TECTB: variants seen among roughly 807,000 people sequenced by gnomAD.
TECTB encodes the protein tectorin beta, also known as beta-tectorin.
A neutral mutation model predicts 43.3 loss-of-function variants in TECTB; 45 were observed. The ratio of observed to expected loss-of-function variants is 1.04; its 90% confidence interval spans 0.82 to 1.33. The LOEUF (loss-of-function observed/expected upper bound fraction) is 1.33, where lower values mean the gene tolerates loss of function less well. TECTB is among the 40% of genes most tolerant of loss of function. The pLI is 0.00. For missense variants in TECTB, 399 were observed against 404.7 expected (o/e 0.99, Z 0.12); for synonymous variants, 169 against 156.7 (o/e 1.08, Z -0.59).
At chr10:112,292,267 C>G (rs1419905580) in intron 5 of TECTB, among the ~76,000 whole-genome samples, 1 of 152,178 alleles carries the variant, frequency 6.6e-6, no homozygotes, top group Non-Finnish European at 1.5e-5. Context: ...AGAAACACTG[C>G]TGTTATTCCT....
intron 7 of TECTB, among the ~76,000 whole-genome samples, chr10:112,294,372 T>C (rs1848527374): frequency 6.6e-6 from 1 of 152,102 alleles, no homozygotes. Context: ...TAAGGTCTCA[T>C]ATTAAATGTG....
At chr10:112,300,816 C>T (rs923546559) in intron 9 of TECTB, among the ~76,000 whole-genome samples, 2 of 152,208 alleles carry the variant, frequency 1.3e-5, no homozygotes, top group African/African-American at 4.8e-5. Flanking sequence ...TGGTCCCAAG[C>T]ATTTTGGATA....
chr10:112,287,191 C>A (rs931381444), intron 5 of TECTB, among the ~76,000 whole-genome samples: 1 of 152,190 alleles, frequency 6.6e-6, no homozygotes, highest in Admixed American at 6.5e-5. Flanking sequence ...CTGCCTAATT[C>A]TTTGGTCTCT....
intron 7 of TECTB, among the ~76,000 whole-genome samples, chr10:112,294,866 A>G (rs895643312): frequency 6.6e-6 from 1 of 152,234 alleles, no homozygotes; most frequent in Non-Finnish European, 1.5e-5. Context: ...AGGAAAGGAC[A>G]GCGCAAGAAA....
At position 112,305,004 on chromosome 10, in the gene TECTB, G is replaced by A. The variant is rs1022179791; in HGVS notation, c.*1692G>A. Reference sequence around the variant, plus strand: ...TTATGATCTTGTATCTCTACCTGGCGCTATGGAATAAATAAAATGCCTTAA... The same window carrying A: ...TTATGATCTTGTATCTCTACCTGGCACTATGGAATAAATAAAATGCCTTAA... On this transcript the variant is annotated 3_prime_UTR_variant, in exon 11 of 11. Coordinates refer to ENST00000646139, the MANE Select transcript of TECTB (RefSeq NM_058222.3). The A allele has an allele frequency of 1.3e-5, 2 of 151,950 alleles. No homozygotes were observed. The highest frequency in any genetic ancestry group is 2.9e-5 in the Non-Finnish European group (2 of 68,020). 9.4% of individuals were successfully genotyped at this position (151,950 alleles called of 1,614,324 possible).
At chr10:112,289,721 C>T (rs1279110370) in intron 5 of TECTB, among the ~76,000 whole-genome samples, 2 of 152,018 alleles carry the variant, frequency 1.3e-5, no homozygotes, top group African/African-American at 4.8e-5. Context: ...GCTCAGTATC[C>T]CTATTAAAAA....
chr10:112,299,087 T>C (rs955750774), intron 8 of TECTB, among the ~76,000 whole-genome samples: 2 of 152,132 alleles, frequency 1.3e-5, no homozygotes, highest in African/African-American at 2.4e-5. Context: ...AAAGGATAAG[T>C]ATCAATGCCA....
At chr10:112,298,310 T>G in intron 8 of TECTB, 79 bp downstream of exon 8, 1 of 1,532,390 alleles carries the variant, frequency 6.5e-7, no homozygotes, top group Non-Finnish European at 8.8e-7. Context: ...AGTGGGGAGA[T>G]CATAACCAGG....
At position 112,304,940 on chromosome 10, in the gene TECTB, C is replaced by A. The variant is rs1328185038; in HGVS notation, c.*1628C>A. The A allele has an allele frequency of 6.6e-6, 1 of 152,052 alleles. No individual in the cohort carries two copies. The highest frequency in any genetic ancestry group is 1.5e-5 in the Non-Finnish European group (1 of 68,002). The allele number at this position is 152,052 out of a possible 1,614,324, so 9.4% of individuals were successfully genotyped here. On this transcript the variant is annotated 3_prime_UTR_variant, in exon 11 of 11. Coordinates refer to ENST00000646139, the MANE Select transcript of TECTB (RefSeq NM_058222.3). ...CAAATCCTTTGCTGTCAGAATAAACCAATGTTGTATTAGTTTTGCTGTATT... is the reference window on the plus strand; with the variant it reads ...CAAATCCTTTGCTGTCAGAATAAACAAATGTTGTATTAGTTTTGCTGTATT...
At position 112,300,293 on chromosome 10, in the gene TECTB, AAGAAAGAAAGAAAGAAAGAAAGAAAG is replaced by A. The variant is rs1427409359; in HGVS notation, c.907+739_907+764del. Among the ~76,000 whole-genome samples the A allele has an allele frequency of 4.8e-3, 551 of 114,704 alleles. 4 individuals carry two copies. Among genetic ancestry groups the A allele is most frequent in the East Asian group, 0.016 (50 of 3,218 alleles). 75.3% of individuals were successfully genotyped at this position (114,704 alleles called of 152,430 possible). On this transcript the variant is annotated intron_variant, in intron 9 of 10. Transcript: ENST00000646139. ...AAGAAAGAAAGAAAAGAAAGAAAGA[AAGAAAGAAAGAAAGAAAGAAAGAAAG>A]AGAAAGAAAAAAGAAAAGAAAAGAA...
intron 5 of TECTB, among the ~76,000 whole-genome samples, chr10:112,290,174 C>G (rs1848486198): frequency 6.6e-6 from 1 of 152,148 alleles, no homozygotes; most frequent in African/African-American, 2.4e-5. Context: ...ATAAATCATC[C>G]CCTTGTCCAG....
Position 112,284,623 on chromosome 10 carries a change from C to A in TECTB, c.165C>A (p.Leu55=). ...GATGGGAAGTTCATCAGCTGGCCCT[C>A]GGAGGGCTGTGTTACAATGGGGTCC... is the stretch of plus-strand genomic sequence containing the variant. ...PYGWEVHQLA[L]GGLCYNGVHE... is the part of the protein sequence containing the mutation. The change falls in exon 3 of 11, where the codon CTC becomes CTA. Residue 55 remains leucine (L), a synonymous_variant. Transcript: ENST00000646139. 1 of 1,613,754 alleles carries A rather than the reference C, an allele frequency of 6.2e-7. No homozygotes were observed. The highest frequency in any genetic ancestry group is 1.1e-5 in the South Asian group (1 of 90,986).
At chr10:112,301,713 G>T (rs1271893536) in intron 9 of TECTB, among the ~76,000 whole-genome samples, 1 of 152,150 alleles carries the variant, frequency 6.6e-6, no homozygotes, top group Admixed American at 6.6e-5. Flanking sequence ...ATCAGGGGAG[G>T]ATTGTGGTCA....
chr10:112,285,955 C>T, intron 3 of TECTB, 116 bp from the exon 4 acceptor site: 7 of 1,345,360 alleles, frequency 5.2e-6, no homozygotes, highest in Non-Finnish European at 7.3e-6. Flanking sequence ...CAGTGGCAGA[C>T]ATTTCTGTCT....
At chr10:112,302,025 A>T in intron 9 of TECTB, 76 bp from the exon 10 acceptor site, 1 of 1,563,028 alleles carries the variant, frequency 6.4e-7, no homozygotes, top group Non-Finnish European at 8.8e-7. Context: ...TTTGTGTTGT[A>T]GAAACATCAC....
rs574409805 is a variant in TECTB, at chr10:112,299,990, C to T, written c.907+426C>T. On this transcript the variant is annotated intron_variant, in intron 9 of 10. Coordinates refer to ENST00000646139, the MANE Select transcript of TECTB (RefSeq NM_058222.3). The stretch of plus-strand genomic sequence containing the variant: ...CCAGCCTGACCAACATGGTGAAACC[C>T]CACCTCTACTAAAAATACAAAATTA... Among the ~76,000 whole-genome samples, 168 of 151,398 alleles carry T rather than the reference C, an allele frequency of 1.1e-3. 1 individual carries two copies. The highest frequency in any genetic ancestry group is 2.0e-3 in the Admixed American group (30 of 15,182).
At position 112,286,059 on chromosome 10, in the gene TECTB, T is replaced by C. The variant is rs1848450943; in HGVS notation, c.268-12T>C. 1.2e-6 allele frequency: 2 copies of C among 1,613,890 alleles called. No individual in the cohort carries two copies. Among genetic ancestry groups the C allele is most frequent in the African/African-American group, 2.7e-5 (2 of 74,922 alleles). The stretch of plus-strand genomic sequence containing the variant: ...AACAGATTCATCCTGACTGTCTCCT[T>C]TCTTTGTCCAGTACAAGCCACCTAT... On this transcript the variant is annotated splice_polypyrimidine_tract_variant and intron_variant, in intron 3 of 10. Coordinates refer to ENST00000646139, the MANE Select transcript of TECTB (RefSeq NM_058222.3).
intron 7 of TECTB, among the ~76,000 whole-genome samples, chr10:112,297,503 C>T (rs1190425467): frequency 5.3e-5 from 8 of 152,092 alleles, no homozygotes; most frequent in South Asian, 4.1e-4. Flanking sequence ...AACATTTAGA[C>T]GGTATCCTTC....
chr10:112,285,931 G>A, intron 3 of TECTB, 140 bp from the exon 4 acceptor site: 2 of 1,067,214 alleles, frequency 1.9e-6, no homozygotes, highest in Non-Finnish European at 2.8e-6. Flanking sequence ...GACAAGAAGA[G>A]TGGATGCCAC....
Sources: gnomAD v4.1 joint callset for allele counts (sites outside exome capture counted in the v4.1 genomes callset) on GRCh38, gnomAD v4.1.1 for gene constraint, MANE v1.5 for transcripts, NCBI Gene and HGNC (gene_info 2026-07-23, HGNC 2026-07-21) for gene names.